Variants in ATP10B observed in about 807,000 individuals in gnomAD.
The protein encoded by ATP10B is phospholipid-transporting ATPase VB.
In ATP10B, 122 loss-of-function variants were observed where a neutral mutation model predicts 141.2. The ratio of observed to expected loss-of-function variants is 0.86; its 90% CI spans 0.75 to 1.00. The LOEUF is 1.00. Ranked by LOEUF, ATP10B falls within the 50% of genes least tolerant of loss-of-function variation. The probability of loss-of-function intolerance (pLI) is 0.00; values close to 1 mark genes in which losing one functional copy is unlikely to be tolerated. For synonymous variants in ATP10B, 685 were observed against 692.0 expected (o/e 0.99, Z 0.16); for missense variants, 1,876 against 1,825.3 (o/e 1.03, Z -0.51).
Position 160,772,449 on chromosome 5 carries a change from T to C in ATP10B, c.-331+13110A>G, listed in dbSNP as rs558291327. Among the ~76,000 whole-genome samples, 593 of 152,332 alleles carry C rather than the reference T, an allele frequency of 3.9e-3. 2 individuals are homozygous for C. The highest frequency in any genetic ancestry group is 0.014 in the African/African-American group (572 of 41,580). On this transcript the variant is annotated intron_variant, in intron 2 of 25. Transcript: ENST00000327245. ...GGCTGTGATACCTGGACTGTGGTCT[T>C]GTGTCCTCTAACAGCAGTTCCCAAC...
chr5:160,834,640 A>C (rs981712579), intron 1 of ATP10B, among the ~76,000 whole-genome samples: 24 of 152,132 alleles, frequency 1.6e-4, no homozygotes, highest in Admixed American at 1.2e-3. Context: ...AAGGAAATAA[A>C]ACCTTAATTA....
intron 1 of ATP10B, among the ~76,000 whole-genome samples, chr5:160,847,949 C>G (rs1191121724): frequency 6.6e-6 from 1 of 152,096 alleles, no homozygotes; most frequent in African/African-American, 2.4e-5. Context: ...GCGCCCACAT[C>G]TCTCACAATT....
At chr5:160,884,957 T>C in the ATP10B span, among the ~76,000 whole-genome samples, 1 of 152,154 alleles carries the variant, frequency 6.6e-6, no homozygotes, top group Non-Finnish European at 1.5e-5. Flanking sequence ...AACCCAGGAA[T>C]CCAACAAATC....
chr5:160,601,846 C>A (rs1757115296), intron 21 of ATP10B, among the ~76,000 whole-genome samples: 1 of 152,200 alleles, frequency 6.6e-6, no homozygotes, highest in South Asian at 2.1e-4. Context: ...TATTTAGTAT[C>A]CTGCCCTCCA....
the ATP10B span, among the ~76,000 whole-genome samples, chr5:160,895,460 A>G: frequency 6.6e-6 from 1 of 152,306 alleles, no homozygotes; most frequent in African/African-American, 2.4e-5. Flanking sequence ...CAAGGGCATT[A>G]CATAATGGTA....
At chr5:160,607,166 A>G in intron 18 of ATP10B, 80 bp from the exon 19 acceptor site, 1 of 1,223,554 alleles carries the variant, frequency 8.2e-7, no homozygotes, top group Admixed American at 2.2e-5. Context: ...TTCTTTAGTA[A>G]GATAGTCATA....
In ATP10B at chr5:160,716,789, G is replaced by C. The variant is rs545596412; in HGVS notation, c.-205+120C>G. On this transcript the variant is annotated intron_variant, in intron 3 of 25. Transcript: ENST00000327245. ...CGTTTTTTCTGTTCCATCATCCTTAGCTCTGGTTTCCATCATCAAGGTGGT... is the reference window on the plus strand; with the variant it reads ...CGTTTTTTCTGTTCCATCATCCTTACCTCTGGTTTCCATCATCAAGGTGGT... 100 of 677,228 alleles carry C rather than the reference G, an allele frequency of 1.5e-4. No individual in the cohort carries two copies. In the African/African-American group the frequency reaches 1.7e-3, roughly 12 times the overall value. The allele number at this position is 677,228 out of a possible 1,614,324, so 42.0% of individuals were successfully genotyped here. A position where few individuals can be genotyped will look rare whatever the true frequency, so the allele number is the denominator to read the frequency against.
chr5:160,700,816 C>T (rs1308616440), intron 3 of ATP10B, among the ~76,000 whole-genome samples: 1 of 152,138 alleles, frequency 6.6e-6, no homozygotes, highest in Non-Finnish European at 1.5e-5. Flanking sequence ...CCTTGGATGT[C>T]TCCTGAGAAC....
chr5:160,910,745 A>G, the ATP10B span, among the ~76,000 whole-genome samples: 1 of 152,272 alleles, frequency 6.6e-6, no homozygotes, highest in East Asian at 1.9e-4. Flanking sequence ...GGATCTGATT[A>G]AGAAACATCA....
At chr5:160,755,984 A>G (rs1364871881) in intron 2 of ATP10B, among the ~76,000 whole-genome samples, 3 of 150,556 alleles carry the variant, frequency 2.0e-5, no homozygotes, top group Admixed American at 6.6e-5. Context: ...GAGTTTTGAC[A>G]TATGTATACA....
At chr5:160,872,082 A>AT in the ATP10B span, among the ~76,000 whole-genome samples, 2 of 151,324 alleles carry the variant, frequency 1.3e-5, no homozygotes, top group East Asian at 3.9e-4. Context: ...AATTATGGCC[A>AT]TTTTTTCTGG....
intron 1 of ATP10B, among the ~76,000 whole-genome samples, chr5:160,842,961 A>C (rs1775899958): frequency 6.6e-6 from 1 of 152,198 alleles, no homozygotes; most frequent in Non-Finnish European, 1.5e-5. Flanking sequence ...ACAGCAGAGC[A>C]TTGATACCAA....
chr5:160,776,539 G>A (rs1197567696), intron 2 of ATP10B, among the ~76,000 whole-genome samples: 1 of 152,136 alleles, frequency 6.6e-6, no homozygotes, highest in Non-Finnish European at 1.5e-5. Context: ...ATTTACAGAG[G>A]GCAAGAAATG....
intron 13 of ATP10B, among the ~76,000 whole-genome samples, chr5:160,627,127 A>G (rs1178082693): frequency 6.6e-6 from 1 of 152,080 alleles, no homozygotes; most frequent in East Asian, 1.9e-4. Context: ...ACTCCTCACT[A>G]GGTGGTCTCC....
At chr5:160,643,503 C>T (rs1692711177) in intron 9 of ATP10B, among the ~76,000 whole-genome samples, 1 of 152,158 alleles carries the variant, frequency 6.6e-6, no homozygotes. Flanking sequence ...TCCAAGATTG[C>T]CCTCCAAGAC....
the ATP10B span, among the ~76,000 whole-genome samples, chr5:160,864,980 T>C: frequency 6.6e-6 from 1 of 152,008 alleles, no homozygotes; most frequent in Non-Finnish European, 1.5e-5. Context: ...ATCAATATTG[T>C]GAAATTGAAC....
At chr5:160,824,390 A>G (rs1774415401) in intron 1 of ATP10B, among the ~76,000 whole-genome samples, 2 of 152,200 alleles carry the variant, frequency 1.3e-5, no homozygotes, top group South Asian at 4.1e-4. Context: ...ATCCCAACCT[A>G]AGAAGCTCAG....
At chr5:160,638,012 G>T (rs1157366552) in intron 10 of ATP10B, among the ~76,000 whole-genome samples, 1 of 152,218 alleles carries the variant, frequency 6.6e-6, no homozygotes, top group Non-Finnish European at 1.5e-5. Context: ...GACTTGAGGG[G>T]GTCCTGGAGC....
intron 2 of ATP10B, among the ~76,000 whole-genome samples, chr5:160,783,596 C>T (rs770707822): frequency 0.048 from 5,004 of 104,658 alleles, 144 homozygotes; most frequent in African/African-American, 0.11. Flanking sequence ...CACACACACA[C>T]ATACACACAC....
Sources: gnomAD v4.1 joint callset for allele counts (sites outside exome capture counted in the v4.1 genomes callset) on GRCh38, gnomAD v4.1.1 for gene constraint, MANE v1.5 for transcripts, NCBI Gene and HGNC (gene_info 2026-07-23, HGNC 2026-07-21) for gene names.